Variants in NPC1L1 observed in about 807,000 individuals in gnomAD.
NPC1L1 encodes NPC1 like intracellular cholesterol transporter 1.
A neutral mutation model predicts 117.0 loss-of-function variants in NPC1L1; 98 were observed. The ratio of observed to expected loss-of-function variants is 0.84; its 90% CI spans 0.71 to 0.99. The LOEUF is 0.99. NPC1L1 is among the 50% of genes least tolerant of loss of function. NPC1L1 has a pLI of 0.00. For synonymous variants in NPC1L1, 729 were observed against 727.6 expected (o/e 1.00, Z -0.03); for missense variants, 1,540 against 1,710.0 (o/e 0.90, Z 1.75).
Position 44,521,025 on chromosome 7 carries a change from A to G in NPC1L1, c.3047T>C (p.Leu1016Pro). ...ACATTTGATGTTGGGCCGGTCGTTC[A>G]GGAACCAGGGAAGATACTTATGGAA... The part of the protein sequence containing the change: ...EQFHKYLPWF[L>P]NDRPNIKCPK... The change falls in exon 13 of 19, where the codon CTG becomes CCG. Residue 1016 changes from leucine to proline, a missense_variant. By Grantham distance (98) the Leu-to-Pro change is moderately conservative. Coordinates refer to ENST00000381160, the MANE Select transcript of NPC1L1 (RefSeq NM_001101648.2). 1 of 1,614,192 alleles carries G rather than the reference A, an allele frequency of 6.2e-7. No individual in the cohort carries two copies. Among genetic ancestry groups the G allele is most frequent in the Admixed American group, 1.7e-5 (1 of 60,024 alleles).
intron 18 of NPC1L1, among the ~76,000 whole-genome samples, chr7:44,515,582 G>A (rs971828580): frequency 7.9e-5 from 12 of 152,140 alleles, no homozygotes; most frequent in Non-Finnish European, 1.2e-4. Flanking sequence ...CCACAGAAAC[G>A]TTGTTTGAGA....
chr7:44,535,649 A>G (rs1190566307), intron 5 of NPC1L1, among the ~76,000 whole-genome samples, 191 bp downstream of exon 5: 1 of 152,222 alleles, frequency 6.6e-6, no homozygotes, highest in East Asian at 1.9e-4. Flanking sequence ...AAAGAAAGGA[A>G]AAGAAAAGAA....
chr7:44,536,987 G>T lies in NPC1L1; in HGVS notation c.1581-45C>A, dbSNP rs1406889011. On this transcript the variant is annotated intron_variant, in intron 2 of 18. Coordinates refer to ENST00000381160, the MANE Select transcript of NPC1L1 (RefSeq NM_001101648.2). The surrounding 1 kb of genome is among the most constrained non-coding windows in gnomAD (Gnocchi z 4.7). Reference sequence around the variant, plus strand: ...AAGGGAAAGGGCCTTTCCTGGCCCTGCCCAGTCCCTATGGCCCCTCCCTTC... The same window carrying T: ...AAGGGAAAGGGCCTTTCCTGGCCCTTCCCAGTCCCTATGGCCCCTCCCTTC... 6.5e-7 allele frequency: 1 copy of T among 1,533,626 alleles called. No homozygotes were observed. The highest frequency in any genetic ancestry group is 9.0e-7 in the Non-Finnish European group (1 of 1,114,406).
At chr7:44,518,830 C>T (rs1188277004) in intron 14 of NPC1L1, among the ~76,000 whole-genome samples, 2 of 152,094 alleles carry the variant, frequency 1.3e-5, no homozygotes, top group African/African-American at 4.8e-5. Flanking sequence ...TCCCACCAGG[C>T]CTCTGACCAC....
At position 44,538,997 on chromosome 7, in the gene NPC1L1, A is replaced by G; in HGVS notation, c.1400T>C (p.Leu467Pro). The G allele has an allele frequency of 6.2e-7, 1 of 1,614,184 alleles. No homozygotes were observed. Reference protein sequence around the residue: ...WSPEAQRNISLQDICYAPLNP... With the variant: ...WSPEAQRNISPQDICYAPLNP... ...GAGGGGGGCGTAGCAGATGTCCTGC[A>G]GGGAGATGTTGCGCTGTGCTTCGGG... is the stretch of plus-strand genomic sequence containing the variant. Residue 467 changes from leucine (L) to proline (P), a missense_variant, in exon 2 of 19, where the codon CTG (leucine) becomes CCG (proline). Physicochemically the swap from Leu to Pro is moderately conservative, Grantham distance 98. Transcript: ENST00000381160. The surrounding 1 kb of genome is among the most constrained non-coding windows in gnomAD (Gnocchi z 5.9).
Position 44,516,706 on chromosome 7 carries a change from G to C in NPC1L1, c.3516C>G (p.Val1172=). ...SYNAVSLINL[V]SAVGMSVEFV... ...GTGCCTGTGTCTGCTGGGTTACCGA[G>C]ACCAGGTTGATGAGGGACACAGCAT... The change falls in exon 16 of 19, where the codon GTC becomes GTG. Residue 1172 remains valine, a synonymous_variant. Coordinates refer to ENST00000381160, the MANE Select transcript of NPC1L1 (RefSeq NM_001101648.2). 1.9e-6 allele frequency: 3 copies of C among 1,608,810 alleles called. No individual in the cohort carries two copies. The highest frequency in any genetic ancestry group is 2.5e-6 in the Non-Finnish European group (3 of 1,177,508).
chr7:44,532,170 G>A lies in NPC1L1; in HGVS notation c.2457C>T (p.Pro819=). 4 of 1,614,000 alleles carry A rather than the reference G, an allele frequency of 2.5e-6. No individual in the cohort carries two copies. Among genetic ancestry groups the A allele is most frequent in the East Asian group, 4.5e-5 (2 of 44,868 alleles). Residue 819 remains proline, a synonymous_variant, in exon 9 of 19, where the codon CCC becomes CCT. Transcript: ENST00000381160. ...GGAGCCCCTCTCCCTGGCCAGGCGG[G>A]GGCAGCTCCTGGGGCTTGACACAGC... is the stretch of plus-strand genomic sequence containing the variant. ...VCCCVKPQEL[P]PPGQGEGLLL...
At chr7:44,540,787 C>T (rs1414572628) in intron 1 of NPC1L1, among the ~76,000 whole-genome samples, 2 of 151,982 alleles carry the variant, frequency 1.3e-5, no homozygotes, top group Non-Finnish European at 2.9e-5. Flanking sequence ...CTCCCAGACA[C>T]AAAGTAAGCG....
In NPC1L1 at chr7:44,533,860, G is replaced by A. The variant is rs1023977324; in HGVS notation, c.2167-7C>T. ...CAGGCCTCCGGGGCAGCCTCTGTGTGGGAACAGCAGGGATAAGAGCCAGGG... is the reference window on the plus strand; with the variant it reads ...CAGGCCTCCGGGGCAGCCTCTGTGTAGGAACAGCAGGGATAAGAGCCAGGG... On this transcript the variant is annotated splice_region_variant and splice_polypyrimidine_tract_variant and intron_variant, in intron 6 of 18. Coordinates refer to ENST00000381160, the MANE Select transcript of NPC1L1 (RefSeq NM_001101648.2). 1 of 1,604,288 alleles carries A rather than the reference G, an allele frequency of 6.2e-7. No homozygotes were observed. Among genetic ancestry groups the A allele is most frequent in the African/African-American group, 1.3e-5 (1 of 74,848 alleles).
Position 44,515,887 on chromosome 7 carries a change from A to T in NPC1L1, c.3712T>A (p.Phe1238Ile). The change falls in exon 18 of 19, where the codon TTC becomes ATC. Residue 1238 changes from phenylalanine (F) to isoleucine (I), a missense_variant. Physicochemically the swap from Phe to Ile is conservative, Grantham distance 21 (BLOSUM62 0). Coordinates refer to ENST00000381160, the MANE Select transcript of NPC1L1 (RefSeq NM_001101648.2). ...GLAKAQLIQI[F>I]FFRLNLLITL... Reference sequence around the variant, plus strand: ...ATCAGGAGGTTGAGGCGGAAGAAGAAGATCTGAATGAGCTGGGCCTTGGCG... The same window carrying T: ...ATCAGGAGGTTGAGGCGGAAGAAGATGATCTGAATGAGCTGGGCCTTGGCG... 1 of 1,614,180 alleles carries T rather than the reference A, an allele frequency of 6.2e-7. No individual in the cohort carries two copies.
rs1468178667 is a variant in NPC1L1, at chr7:44,521,697, T to G, written c.2953+15A>C. The G allele has an allele frequency of 6.2e-7, 1 of 1,614,004 alleles. No individual in the cohort carries two copies. Among genetic ancestry groups the G allele is most frequent in the Non-Finnish European group, 8.5e-7 (1 of 1,179,946 alleles). On this transcript the variant is annotated intron_variant, in intron 12 of 18. Coordinates refer to ENST00000381160, the MANE Select transcript of NPC1L1 (RefSeq NM_001101648.2). ...AGCTGTGGTGGACAGTGAGTCCCCA[T>G]GGCCCCACACTCACTGACGGTCGAG...
chr7:44,522,409 A>G (rs1801389713), intron 10 of NPC1L1, among the ~76,000 whole-genome samples, 167 bp from the exon 11 acceptor site: 1 of 152,180 alleles, frequency 6.6e-6, no homozygotes, highest in Non-Finnish European at 1.5e-5. Flanking sequence ...AGAGACACAC[A>G]TGCAGTTACA....
rs943231529 is a variant in NPC1L1 at position 44,513,251 on chromosome 7, A to C, written c.*196T>G. ...TAGGTGACTTGGAAACTGGGGACCC[A>C]CTATGGGAGCAGAGGAGCCATCAGT... On this transcript the variant is annotated 3_prime_UTR_variant, in exon 19 of 19. Coordinates refer to ENST00000381160, the MANE Select transcript of NPC1L1 (RefSeq NM_001101648.2). The C allele has an allele frequency of 6.4e-6, 4 of 626,456 alleles. No homozygotes were observed. The highest frequency in any genetic ancestry group is 8.6e-6 in the Non-Finnish European group (3 of 348,706). 38.8% of individuals were successfully genotyped at this position (626,456 alleles called of 1,614,324 possible).
chr7:44,536,228 C>T lies in NPC1L1; in HGVS notation c.1854+28G>A. 6.2e-7 allele frequency: 1 copy of T among 1,612,386 alleles called. No individual in the cohort carries two copies. The highest frequency in any genetic ancestry group is 2.2e-5 in the East Asian group (1 of 44,890). Reference sequence around the variant, plus strand: ...ACCCAAGACCACCTGGGTTGCACCCCCAGAGCCAGGGACCCTGCAGCCCCT... The same window carrying T: ...ACCCAAGACCACCTGGGTTGCACCCTCAGAGCCAGGGACCCTGCAGCCCCT... On this transcript the variant is annotated intron_variant, in intron 4 of 18. Coordinates refer to ENST00000381160, the MANE Select transcript of NPC1L1 (RefSeq NM_001101648.2). This position sits in a 1 kb window ranked among gnomAD's most constrained non-coding sequence, Gnocchi z 4.7.
chr7:44,522,819 C>T (rs1477619645), intron 10 of NPC1L1, among the ~76,000 whole-genome samples: 1 of 151,296 alleles, frequency 6.6e-6, no homozygotes, highest in East Asian at 1.9e-4. Context: ...CTTCCTATCA[C>T]CCCCAATATG....
chr7:44,533,569 G>A lies in NPC1L1; in HGVS notation c.2282-11C>T. On this transcript the variant is annotated splice_polypyrimidine_tract_variant and intron_variant, in intron 7 of 18. Coordinates refer to ENST00000381160, the MANE Select transcript of NPC1L1 (RefSeq NM_001101648.2). Reference sequence around the variant, plus strand: ...TGGGGGTCAGGGCCCCTGTGAGGGAGCAGAGGGCTGTCAGGGCACCCTGGC... The same window carrying A: ...TGGGGGTCAGGGCCCCTGTGAGGGAACAGAGGGCTGTCAGGGCACCCTGGC... 4 of 1,614,180 alleles carry A rather than the reference G, an allele frequency of 2.5e-6. No individual in the cohort carries two copies. The highest frequency in any genetic ancestry group is 3.4e-6 in the Non-Finnish European group (4 of 1,180,022).
At chr7:44,532,025 G>A in intron 9 of NPC1L1, 55 bp downstream of exon 9, 1 of 1,613,310 alleles carries the variant, frequency 6.2e-7, no homozygotes, top group African/African-American at 1.3e-5. Flanking sequence ...TGCTCTCCCT[G>A]AGGCGAGGTC....
Position 44,536,732 on chromosome 7 carries a change from G to T in NPC1L1, c.1681+110C>A. ...TTGGCCTACAGCTTCCAGAAGCCAG[G>T]CTACCCCCAGGCCGCGAGAATCCCC... On this transcript the variant is annotated intron_variant, in intron 3 of 18. Coordinates refer to ENST00000381160, the MANE Select transcript of NPC1L1 (RefSeq NM_001101648.2). The surrounding 1 kb of genome is among the most constrained non-coding windows in gnomAD (Gnocchi z 4.7). 1 of 978,918 alleles carries T rather than the reference G, an allele frequency of 1.0e-6. No individual in the cohort carries two copies. Among genetic ancestry groups the T allele is most frequent in the Non-Finnish European group, 1.6e-6 (1 of 621,644 alleles). The allele number at this position is 978,918 out of a possible 1,614,324, so 60.6% of individuals were successfully genotyped here.
intron 18 of NPC1L1, among the ~76,000 whole-genome samples, chr7:44,514,141 A>G (rs1801118216): frequency 6.6e-6 from 1 of 152,220 alleles, no homozygotes; most frequent in African/African-American, 2.4e-5. Context: ...CCTCGGGGGT[A>G]GTAAGAGAAT....
Sources: allele counts gnomAD v4.1 joint callset (sites outside exome capture counted in the v4.1 genomes callset), GRCh38; gene constraint gnomAD v4.1.1; non-coding constraint Gnocchi (gnomAD v3.1); transcripts MANE v1.5; gene names NCBI Gene and HGNC (gene_info 2026-07-23, HGNC 2026-07-21).